The following SH3RF3 variants were observed in gnomAD, a reference collection of about 807,000 sequenced individuals.
The protein encoded by SH3RF3 is E3 ubiquitin-protein ligase SH3RF3.
SH3RF3 carries 29 observed loss-of-function variants against 66.3 expected under a neutral mutation model. The observed-to-expected ratio is 0.44, with a 90% CI of 0.33 to 0.60. The LOEUF is 0.60. Ranked by LOEUF, SH3RF3 falls within the 20% of genes least tolerant of loss-of-function variation. The pLI, the probability that SH3RF3 is intolerant of heterozygous loss-of-function variation, is 0.04. For synonymous variants in SH3RF3, 583 were observed against 532.0 expected (o/e 1.10, Z -1.32); for missense variants, 1,194 against 1,190.9 (o/e 1.00, Z -0.04).
intron 4 of SH3RF3, among the ~76,000 whole-genome samples, chr2:109,418,882 C>G (rs957579973): frequency 1.3e-5 from 2 of 152,154 alleles, no homozygotes; most frequent in Non-Finnish European, 2.9e-5. Flanking sequence ...TAAGGATTCT[C>G]TATGTAGGAA....
chr2:109,339,840 ACG>A (rs1206588914), intron 1 of SH3RF3, among the ~76,000 whole-genome samples: 1 of 152,222 alleles, frequency 6.6e-6, no homozygotes, highest in Non-Finnish European at 1.5e-5. Flanking sequence ...TCCTGGCCCA[ACG>A]GATGACTGAC....
rs534975002 is a variant in SH3RF3, at chr2:109,408,519, C to T, written c.1299+9576C>T. On this transcript the variant is annotated intron_variant, in intron 4 of 9. Transcript: ENST00000309415. ...GGCGAGAAAAACGGGGTCCCACACG[C>T]GCTCACGCCCAGGCCGGGTTCGCTC... 7.2e-5 allele frequency among the ~76,000 whole-genome samples: 11 copies of T among 152,316 alleles called. No homozygotes were observed. The East Asian group carries it at 1.9e-3, about 27-fold the overall frequency.
At chr2:109,233,228 C>T (rs1340680037) in intron 1 of SH3RF3, among the ~76,000 whole-genome samples, 1 of 152,182 alleles carries the variant, frequency 6.6e-6, no homozygotes, top group Admixed American at 6.5e-5. Context: ...TCTTGTCCAG[C>T]ACCCTGGAAG....
At chr2:109,498,656 A>C (rs10171167) in intron 9 of SH3RF3, among the ~76,000 whole-genome samples, 42,016 of 151,982 alleles carry the variant, frequency 0.28, 6,097 homozygotes, top group African/African-American at 0.37. Context: ...CCCCCTAAGT[A>C]GTATCAAGTA....
intron 3 of SH3RF3, among the ~76,000 whole-genome samples, chr2:109,381,283 C>T (rs1447120303): frequency 1.3e-5 from 2 of 152,246 alleles, no homozygotes; most frequent in Non-Finnish European, 2.9e-5. Context: ...ATCTTGTGTC[C>T]AGACTGCTTC....
intron 4 of SH3RF3, among the ~76,000 whole-genome samples, chr2:109,405,360 A>G (rs1676426288): frequency 6.6e-6 from 1 of 152,080 alleles, no homozygotes; most frequent in African/African-American, 2.4e-5. Flanking sequence ...GTCTTCCCCA[A>G]CACTGACTCC....
intron 5 of SH3RF3, among the ~76,000 whole-genome samples, chr2:109,425,680 G>T (rs1414261064): frequency 6.8e-6 from 1 of 146,454 alleles, no homozygotes; most frequent in African/African-American, 2.6e-5. Flanking sequence ...TAAGTCCATT[G>T]TCAAGACCTA....
At position 109,239,156 on chromosome 2, in the gene SH3RF3, G is replaced by A. The variant is rs190487954; in HGVS notation, c.574-108518G>A. Among the ~76,000 whole-genome samples, 356 of 152,164 alleles carry A rather than the reference G, an allele frequency of 2.3e-3. 3 individuals carry two copies. The highest frequency in any genetic ancestry group is 0.02 in the Middle Eastern group (6 of 294). ...GCTCAGAACTCTGTGAGCACTTTGA[G>A]CTTCCCCAGACCTCTTTCTTCCCTG... On this transcript the variant is annotated intron_variant, in intron 1 of 9. Coordinates refer to ENST00000309415, the MANE Select transcript of SH3RF3 (RefSeq NM_001099289.3).
At chr2:109,299,114 A>T (rs1475751624) in intron 1 of SH3RF3, among the ~76,000 whole-genome samples, 2 of 152,138 alleles carry the variant, frequency 1.3e-5, no homozygotes, top group Non-Finnish European at 1.5e-5. Context: ...GCATTTGCAG[A>T]TGAGGCCCCC....
In SH3RF3 at chr2:109,148,148, A is replaced by C. The variant is rs113708582; in HGVS notation, c.573+18035A>C. 7.8e-3 allele frequency among the ~76,000 whole-genome samples: 1,194 copies of C among 152,308 alleles called. 11 individuals are homozygous for C. Among genetic ancestry groups the C allele is most frequent in the African/African-American group, 0.027 (1,129 of 41,564 alleles). ...TGTGGCCTTTTGGTCTCATGCACCC[A>C]GTATGCAGTGTGTTCTTACCGATGG... On this transcript the variant is annotated intron_variant, in intron 1 of 9. Coordinates refer to ENST00000309415, the MANE Select transcript of SH3RF3 (RefSeq NM_001099289.3).
chr2:109,435,277 C>T (rs1169621797), intron 6 of SH3RF3, among the ~76,000 whole-genome samples: 1 of 152,200 alleles, frequency 6.6e-6, no homozygotes, highest in Non-Finnish European at 1.5e-5. Context: ...GTCTTTATCC[C>T]CAGAAGTGGA....
chr2:109,170,224 C>T (rs1415099469), intron 1 of SH3RF3, among the ~76,000 whole-genome samples: 2 of 72,052 alleles, frequency 2.8e-5, no homozygotes, highest in Admixed American at 1.6e-4. Context: ...TCTTTTTTCT[C>T]TTCTCTTCTC....
intron 1 of SH3RF3, among the ~76,000 whole-genome samples, chr2:109,158,553 G>C (rs1018888624): frequency 2.0e-5 from 3 of 152,186 alleles, no homozygotes; most frequent in Non-Finnish European, 4.4e-5. Context: ...GGCGCTCAGG[G>C]CTGTCTGACT....
chr2:109,461,694 A>G lies in SH3RF3; in HGVS notation c.2148+12205A>G, dbSNP rs569305117. Among the ~76,000 whole-genome samples, 8 of 151,762 alleles carry G rather than the reference A, an allele frequency of 5.3e-5. No homozygotes were observed. In the South Asian group the frequency reaches 6.3e-4, roughly 12 times the overall value. ...AGACCTGCGCGGTGATCCACCTGCC[A>G]GAGGCCCCACGTAGCATCCCTGTCT... On this transcript the variant is annotated intron_variant, in intron 8 of 9. Transcript: ENST00000309415.
chr2:109,360,882 C>G (rs1413593398), intron 2 of SH3RF3, among the ~76,000 whole-genome samples: 2 of 152,164 alleles, frequency 1.3e-5, no homozygotes, highest in Non-Finnish European at 2.9e-5. Context: ...AGAGTACATT[C>G]TTGCCTTGTC....
At chr2:109,455,934 G>T (rs1361132015) in intron 8 of SH3RF3, among the ~76,000 whole-genome samples, 36 of 152,228 alleles carry the variant, frequency 2.4e-4, no homozygotes, top group Non-Finnish European at 4.4e-5. Flanking sequence ...GAAGGGGCTG[G>T]ATCTGACCTC....
chr2:109,142,052 G>A (rs1188256900), intron 1 of SH3RF3, among the ~76,000 whole-genome samples: 1 of 151,486 alleles, frequency 6.6e-6, no homozygotes, highest in African/African-American at 2.4e-5. Flanking sequence ...CTGGGGGGGG[G>A]GTCTCAGGTA....
At chr2:109,198,412 G>T (rs1046119971) in intron 1 of SH3RF3, among the ~76,000 whole-genome samples, 1 of 152,152 alleles carries the variant, frequency 6.6e-6, no homozygotes, top group Admixed American at 6.5e-5. Flanking sequence ...AGAGGTAGAG[G>T]GGCACAGTGG....
At chr2:109,464,216 C>G (rs1642385056) in intron 8 of SH3RF3, among the ~76,000 whole-genome samples, 1 of 151,942 alleles carries the variant, frequency 6.6e-6, no homozygotes. Flanking sequence ...AAGATTCATC[C>G]TCTTGTCGGG....
Sources: allele counts gnomAD v4.1 joint callset (sites outside exome capture counted in the v4.1 genomes callset), GRCh38; gene constraint gnomAD v4.1.1; transcripts MANE v1.5; gene names NCBI Gene and HGNC (gene_info 2026-07-23, HGNC 2026-07-21).